The following REC114 variants were observed in gnomAD, a reference collection of about 807,000 sequenced individuals.
REC114 encodes the protein REC114 meiotic recombination protein, also known as meiotic recombination protein REC114.
A neutral mutation model predicts 31.3 loss-of-function variants in REC114; 27 were observed. That is an observed-to-expected ratio of 0.86 (90% CI 0.64 to 1.19). The LOEUF (loss-of-function observed/expected upper bound fraction) is 1.19, where lower values mean the gene tolerates loss of function less well. Among genes scored for constraint, REC114 ranks in the 50% most tolerant of loss-of-function variants. REC114 has a pLI of 0.00. For missense variants in REC114, 344 were observed against 326.9 expected, an observed-to-expected ratio of 1.05 and a Z score of -0.40; for synonymous variants, 134 against 127.7, an observed-to-expected ratio of 1.05 and a Z score of -0.33.
At chr15:73,498,849 C>T (rs1244700069) in intron 2 of REC114, among the ~76,000 whole-genome samples, 1 of 152,048 alleles carries the variant, frequency 6.6e-6, no homozygotes, top group Non-Finnish European at 1.5e-5. Context: ...GAACGTTAGG[C>T]GTTGAAGCTA....
chr15:73,551,978 C>G (rs1299367882), intron 4 of REC114, among the ~76,000 whole-genome samples: 2 of 152,068 alleles, frequency 1.3e-5, no homozygotes, highest in African/African-American at 4.8e-5. Flanking sequence ...AAGTAATTAC[C>G]TGATGAAATG....
intron 1 of REC114, among the ~76,000 whole-genome samples, chr15:73,465,788 G>A (rs763690500): frequency 1.1e-4 from 17 of 152,196 alleles, no homozygotes; most frequent in Admixed American, 5.2e-4. Context: ...GAAAAATACA[G>A]TATAAGGCAG....
intron 2 of REC114, among the ~76,000 whole-genome samples, chr15:73,508,529 G>A (rs959725018): frequency 6.8e-6 from 1 of 147,478 alleles, no homozygotes; most frequent in Admixed American, 6.8e-5. Flanking sequence ...GTGCCATGCT[G>A]GTGAGCTGCA....
chr15:73,527,940 A>G (rs958914228), intron 2 of REC114, among the ~76,000 whole-genome samples: 1 of 152,216 alleles, frequency 6.6e-6, no homozygotes, highest in African/African-American at 2.4e-5. Flanking sequence ...AGGCTATATC[A>G]AAAGGACAGG....
chr15:73,496,433 C>T (rs938162842), intron 2 of REC114, among the ~76,000 whole-genome samples: 11 of 149,418 alleles, frequency 7.4e-5, no homozygotes, highest in African/African-American at 2.7e-4. Context: ...CCAAGGCGGG[C>T]ATATCACTTG....
chr15:73,459,697 C>T (rs1031204990), intron 1 of REC114, among the ~76,000 whole-genome samples: 5 of 152,098 alleles, frequency 3.3e-5, no homozygotes, highest in African/African-American at 1.2e-4. Context: ...TGGTTTTGGC[C>T]AATGAAATGT....
At chr15:73,450,094 T>G (rs1892822652) in intron 1 of REC114, among the ~76,000 whole-genome samples, 1 of 152,104 alleles carries the variant, frequency 6.6e-6, no homozygotes, top group South Asian at 2.1e-4. Flanking sequence ...ACTGGCAAAA[T>G]AACCAGCTAA....
At chr15:73,545,539 A>G (rs1894296722) in intron 3 of REC114, among the ~76,000 whole-genome samples, 1 of 152,182 alleles carries the variant, frequency 6.6e-6, no homozygotes, top group Non-Finnish European at 1.5e-5. Context: ...CATGCATTGA[A>G]GTGGTATTTC....
intron 2 of REC114, among the ~76,000 whole-genome samples, chr15:73,479,623 A>C (rs537847933): frequency 6.6e-6 from 1 of 151,940 alleles, no homozygotes; most frequent in Non-Finnish European, 1.5e-5. Flanking sequence ...CCACTATTCT[A>C]TTCTCTGCTT....
chr15:73,445,471 T>G (rs1165575024), intron 1 of REC114, among the ~76,000 whole-genome samples: 4 of 152,232 alleles, frequency 2.6e-5, no homozygotes, highest in African/African-American at 9.6e-5. Context: ...GAACTTTTCC[T>G]TTGCATTTAC....
chr15:73,517,404 T>C (rs1235351249), intron 2 of REC114, among the ~76,000 whole-genome samples: 2 of 152,192 alleles, frequency 1.3e-5, no homozygotes, highest in East Asian at 3.8e-4. Flanking sequence ...GAAGCCTACT[T>C]AGGAGGCTGT....
intron 5 of REC114, among the ~76,000 whole-genome samples, chr15:73,557,670 T>C (rs1894491992): frequency 6.6e-6 from 1 of 152,122 alleles, no homozygotes; most frequent in Admixed American, 6.6e-5. Context: ...AATAAAACAA[T>C]AAGCAAGGCA....
intron 2 of REC114, chr15:73,483,682 A>G (rs776889066): frequency 1.3e-5 from 2 of 152,368 alleles, no homozygotes; most frequent in Non-Finnish European, 2.9e-5. Context: ...AAAGACAAGG[A>G]TCTTTTCACT....
chr15:73,470,401 C>T (rs1381781360), intron 1 of REC114, among the ~76,000 whole-genome samples: 1 of 152,106 alleles, frequency 6.6e-6, no homozygotes, highest in Non-Finnish European at 1.5e-5. Context: ...TTTCTTTCTT[C>T]CTGAAGGACT....
intron 1 of REC114, among the ~76,000 whole-genome samples, chr15:73,448,465 CA>C (rs1211063941): frequency 3.9e-5 from 6 of 152,172 alleles, no homozygotes; most frequent in Admixed American, 3.3e-4. Flanking sequence ...CCTCTCTGGG[CA>C]GGGCATCTCT....
At chr15:73,524,760 G>C (rs1040025817) in intron 2 of REC114, among the ~76,000 whole-genome samples, 8 of 152,016 alleles carry the variant, frequency 5.3e-5, no homozygotes, top group African/African-American at 1.9e-4. Context: ...ACCATGCTAG[G>C]CTAATTTTTG....
intron 2 of REC114, among the ~76,000 whole-genome samples, chr15:73,509,273 C>T (rs1405507470): frequency 6.9e-6 from 1 of 144,208 alleles, no homozygotes; most frequent in African/African-American, 2.9e-5. Flanking sequence ...ATGTCCTTCA[C>T]CCACTTTTTG....
At chr15:73,505,138 C>T (rs1893657485) in intron 2 of REC114, among the ~76,000 whole-genome samples, 1 of 151,982 alleles carries the variant, frequency 6.6e-6, no homozygotes, top group Admixed American at 6.6e-5. Flanking sequence ...TCTTTTAATC[C>T]CATTAACTGT....
chr15:73,501,845 C>CAGAT (rs1330832282), intron 2 of REC114, among the ~76,000 whole-genome samples: 2 of 152,176 alleles, frequency 1.3e-5, no homozygotes, highest in Admixed American at 1.3e-4. Context: ...ATAATCAGAA[C>CAGAT]AGATACAAGG....
Sources: gnomAD v4.1 joint callset for allele counts (sites outside exome capture counted in the v4.1 genomes callset) on GRCh38, gnomAD v4.1.1 for gene constraint, MANE v1.5 for transcripts, NCBI Gene and HGNC (gene_info 2026-07-23, HGNC 2026-07-21) for gene names.